Variants in FANCA observed in about 807,000 individuals in gnomAD.
FANCA encodes the protein Fanconi anemia group A protein.
In FANCA, 236 loss-of-function variants were observed where a neutral mutation model predicts 194.3. That is an observed-to-expected ratio of 1.21 (90% CI 1.09 to 1.35). The LOEUF (loss-of-function observed/expected upper bound fraction) is 1.35, where lower values mean the gene tolerates loss of function less well. Among genes scored for constraint, FANCA ranks in the 40% most tolerant of loss-of-function variants. The pLI, the probability that FANCA is intolerant of heterozygous loss-of-function variation, is 0.00. For missense variants in FANCA, 2,628 were observed against 1,813.9 expected (o/e 1.45, Z -8.15); for synonymous variants, 1,014 against 715.8 (o/e 1.42, Z -6.65).
At chr16:89,762,637 C>G (rs545887012) in intron 28 of FANCA, 1 of 280,068 alleles carries the variant, frequency 3.6e-6, no homozygotes, top group South Asian at 3.0e-5. Flanking sequence ...CAGTAGCATA[C>G]CTTCATTTAT....
At chr16:89,749,977 G>A (rs552347522) in intron 31 of FANCA, 75 bp from the exon 32 acceptor site, 6 of 1,530,344 alleles carry the variant, frequency 3.9e-6, no homozygotes, top group Admixed American at 1.7e-5. Flanking sequence ...CCAGACGTCA[G>A]GGGTCAGGGA....
chr16:89,744,653 C>G lies in FANCA; in HGVS notation c.3626+306G>C. Reference sequence around the variant, plus strand: ...GGCCGTTCCTCACTCAGACGAGACACTGGCAGAGGCTGTTTTTTTTTTTGT... The same window carrying G: ...GGCCGTTCCTCACTCAGACGAGACAGTGGCAGAGGCTGTTTTTTTTTTTGT... On this transcript the variant is annotated intron_variant, in intron 36 of 42. Coordinates refer to ENST00000389301, the MANE Select transcript of FANCA (RefSeq NM_000135.4). The G allele has an allele frequency of 4.9e-6, 2 of 405,446 alleles. 1 individual carries two copies. The highest frequency in any genetic ancestry group is 4.3e-5 in the South Asian group (2 of 46,226). The allele number at this position is 405,446 out of a possible 1,614,324, so 25.1% of individuals were successfully genotyped here.
intron 26 of FANCA, among the ~76,000 whole-genome samples, chr16:89,767,879 T>A (rs2039186456): frequency 6.6e-6 from 1 of 151,924 alleles, no homozygotes. Context: ...AGAGACGGGG[T>A]TTCCCCATGT....
chr16:89,770,760 G>C (rs748530782), intron 23 of FANCA, 126 bp from the exon 24 acceptor site: 2 of 816,004 alleles, frequency 2.5e-6, no homozygotes, highest in South Asian at 1.5e-5. Context: ...AAACAGGCTT[G>C]TTTGGAGGGC....
rs370786205 is a variant in FANCA, at chr16:89,785,011, G to A, written c.1360-47C>T. 3 of 1,376,252 alleles carry A rather than the reference G, an allele frequency of 2.2e-6. No individual in the cohort carries two copies. The African/African-American group carries it at 4.3e-5, about 20-fold the overall frequency. The allele number at this position is 1,376,252 out of a possible 1,614,324, so 85.3% of individuals were successfully genotyped here. The stretch of plus-strand genomic sequence containing the variant: ...AAGCCCAGGACAGCCAGGCGCGGCT[G>A]CACCACCTAGGCAGTGTCCTGTGTG... On this transcript the variant is annotated intron_variant, in intron 14 of 42. Coordinates refer to ENST00000389301, the MANE Select transcript of FANCA (RefSeq NM_000135.4).
At chr16:89,804,488 C>T (rs945647975) in intron 7 of FANCA, among the ~76,000 whole-genome samples, 82 of 152,290 alleles carry the variant, frequency 5.4e-4, no homozygotes, top group African/African-American at 1.8e-3. Context: ...ACAAACCCAA[C>T]TACTCCTCAA....
Position 89,812,646 on chromosome 16 carries a change from C to CAA in FANCA, c.284-1577_284-1576dup, listed in dbSNP as rs71137677. Reference sequence around the variant, plus strand: ...GGGTAACAAGAGCAATACTCCGTCTCAAAAAAAAAAAAAAAAAAAAAAAAC... The same window carrying CAA: ...GGGTAACAAGAGCAATACTCCGTCTCAAAAAAAAAAAAAAAAAAAAAAAAAAC... On this transcript the variant is annotated intron_variant, in intron 3 of 42. Coordinates refer to ENST00000389301, the MANE Select transcript of FANCA (RefSeq NM_000135.4). Among the ~76,000 whole-genome samples, 151 of 41,910 alleles carry CAA rather than the reference C, an allele frequency of 3.6e-3. 2 individuals carry two copies. Among genetic ancestry groups the CAA allele is most frequent in the Middle Eastern group, 0.02 (1 of 50 alleles). The allele number at this position is 41,910 out of a possible 152,430, so 27.5% of individuals were successfully genotyped here.
intron 6 of FANCA, among the ~76,000 whole-genome samples, chr16:89,806,965 G>A (rs1294774620): frequency 6.6e-6 from 1 of 152,128 alleles, no homozygotes; most frequent in Non-Finnish European, 1.5e-5. Context: ...CAGGGCGGCT[G>A]GCCGGGCGGG....
At chr16:89,761,593 G>A (rs1029206391) in intron 29 of FANCA, among the ~76,000 whole-genome samples, 5 of 151,916 alleles carry the variant, frequency 3.3e-5, no homozygotes, top group African/African-American at 1.2e-4. Flanking sequence ...AGGCTTTAAG[G>A]CAATGTGGAA....
chr16:89,765,355 C>G (rs762709414), intron 27 of FANCA, among the ~76,000 whole-genome samples: 5 of 151,368 alleles, frequency 3.3e-5, no homozygotes, highest in Non-Finnish European at 7.4e-5. Context: ...CAGTCCAGCC[C>G]CTGGGAGGGC....
At chr16:89,805,488 G>A in intron 6 of FANCA, 96 bp from the exon 7 acceptor site, 3 of 878,922 alleles carry the variant, frequency 3.4e-6, no homozygotes, top group Non-Finnish European at 5.6e-6. Context: ...TTTTGAGACA[G>A]TTTTTTGCTG....
At position 89,773,394 on chromosome 16, in the gene FANCA, G is replaced by A. The variant is rs766654290; in HGVS notation, c.1901-10C>T. On this transcript the variant is annotated splice_polypyrimidine_tract_variant and intron_variant, in intron 21 of 42. Transcript: ENST00000389301. ...ACTCCCAGGGCTGCATCTGTGAGAA[G>A]AAGGAAGAAACCAGATGGAAAGACA... is the stretch of plus-strand genomic sequence containing the variant. The A allele has an allele frequency of 1.2e-5, 19 of 1,539,960 alleles. No individual in the cohort carries two copies. The Admixed American group carries it at 2.2e-4, about 17-fold the overall frequency.
intron 17 of FANCA, among the ~76,000 whole-genome samples, chr16:89,780,763 T>G (rs1312444655): frequency 6.6e-6 from 1 of 151,848 alleles, no homozygotes; most frequent in Non-Finnish European, 1.5e-5. Context: ...ACCCTATGTC[T>G]GCAAAAAATT....
At chr16:89,795,096 C>G (rs2040198689) in intron 11 of FANCA, among the ~76,000 whole-genome samples, 1 of 152,038 alleles carries the variant, frequency 6.6e-6, no homozygotes, top group African/African-American at 2.4e-5. Flanking sequence ...ACCAGCCTGG[C>G]CAACATGGTG....
chr16:89,754,563 G>C (rs750765587), intron 30 of FANCA, among the ~76,000 whole-genome samples: 1 of 151,996 alleles, frequency 6.6e-6, no homozygotes, highest in Non-Finnish European at 1.5e-5. Flanking sequence ...TAGAGATGGG[G>C]TTTCACCATG....
chr16:89,812,529 C>T (rs2040927110), intron 3 of FANCA, among the ~76,000 whole-genome samples: 1 of 151,156 alleles, frequency 6.6e-6, no homozygotes, highest in Admixed American at 6.6e-5. Context: ...GCCTGTAATA[C>T]CAGCTACTCA....
intron 18 of FANCA, among the ~76,000 whole-genome samples, 179 bp downstream of exon 18, chr16:89,779,690 C>T (rs760482261): frequency 3.3e-5 from 5 of 152,232 alleles, no homozygotes; most frequent in Non-Finnish European, 7.3e-5. Flanking sequence ...GCCAACCTGC[C>T]CCATGTGGCT....
intron 21 of FANCA, among the ~76,000 whole-genome samples, chr16:89,775,499 T>C (rs549256160): frequency 6.6e-6 from 1 of 152,316 alleles, no homozygotes; most frequent in Non-Finnish European, 1.5e-5. Context: ...AAAGTGGGGC[T>C]GTGCACTGCA....
intron 7 of FANCA, 88 bp from the exon 8 acceptor site, chr16:89,803,429 G>A (rs372429527): frequency 8.7e-5 from 108 of 1,247,804 alleles, no homozygotes; most frequent in South Asian, 7.4e-4. Flanking sequence ...TCAGAGGGGC[G>A]GGTGAGCATA....
Sources: allele counts gnomAD v4.1 joint callset (sites outside exome capture counted in the v4.1 genomes callset), GRCh38; gene constraint gnomAD v4.1.1; transcripts MANE v1.5; gene names NCBI Gene and HGNC (gene_info 2026-07-23, HGNC 2026-07-21).